ST6GAL2: variants seen among roughly 807,000 people sequenced by gnomAD.
ST6GAL2 encodes ST6 beta-galactoside alpha-2,6-sialyltransferase 2.
A neutral mutation model predicts 37.5 loss-of-function variants in ST6GAL2; 24 were observed. The observed-to-expected ratio is 0.64, with a 90% CI of 0.46 to 0.90. The LOEUF is 0.90. Among genes scored for constraint, ST6GAL2 ranks in the 40% least tolerant of loss-of-function variants. ST6GAL2 has a pLI of 0.00. For synonymous variants in ST6GAL2, 306 were observed against 295.1 expected (o/e 1.04, Z -0.38); for missense variants, 715 against 712.7 (o/e 1.00, Z -0.04).
chr2:106,832,438 G>A, intron 4 of ST6GAL2, 127 bp downstream of exon 4: 1 of 577,542 alleles, frequency 1.7e-6, no homozygotes, highest in South Asian at 2.5e-5. Context: ...TCACAAACAT[G>A]CATTAAATTG....
At chr2:106,815,569 CT>C (rs1405162427) in intron 5 of ST6GAL2, among the ~76,000 whole-genome samples, 1 of 152,036 alleles carries the variant, frequency 6.6e-6, no homozygotes, top group Admixed American at 6.5e-5. Flanking sequence ...GGGAAAGAGT[CT>C]TATTTGACCT....
intron 5 of ST6GAL2, among the ~76,000 whole-genome samples, chr2:106,807,266 T>C (rs920626370): frequency 6.6e-6 from 1 of 152,168 alleles, no homozygotes; most frequent in Non-Finnish European, 1.5e-5. Context: ...AAGGACAGAT[T>C]TGCAACCCCC....
intron 1 of ST6GAL2, among the ~76,000 whole-genome samples, chr2:106,876,622 A>C (rs1678513073): frequency 1.3e-5 from 2 of 152,216 alleles, no homozygotes; most frequent in Admixed American, 1.3e-4. Context: ...AGAAGAGGGC[A>C]TCAGGAGGCT....
At position 106,849,489 on chromosome 2, in the gene ST6GAL2, C is replaced by A. The variant is rs1258755995; in HGVS notation, c.-57-5455G>T. Among the ~76,000 whole-genome samples the A allele has an allele frequency of 3.9e-5, 6 of 152,266 alleles. No individual in the cohort carries two copies. In the South Asian group the frequency reaches 8.3e-4, roughly 21 times the overall value. On this transcript the variant is annotated intron_variant, in intron 1 of 5. Coordinates refer to ENST00000409382, the MANE Select transcript of ST6GAL2 (RefSeq NM_001142351.2). ...ACAGTTAGAAGACCCTGAAGGAAATCAAAATATTTTACCCCAAAATATATT... is the reference window on the plus strand; with the variant it reads ...ACAGTTAGAAGACCCTGAAGGAAATAAAAATATTTTACCCCAAAATATATT...
intron 5 of ST6GAL2, among the ~76,000 whole-genome samples, chr2:106,815,755 C>G (rs1368095828): frequency 1.3e-5 from 2 of 152,190 alleles, no homozygotes; most frequent in Non-Finnish European, 2.9e-5. Flanking sequence ...TATAGCTACT[C>G]AGTGGTAGGG....
At chr2:106,811,381 G>A (rs1051567053) in intron 5 of ST6GAL2, among the ~76,000 whole-genome samples, 8 of 152,120 alleles carry the variant, frequency 5.3e-5, no homozygotes, top group Non-Finnish European at 1.2e-4. Flanking sequence ...TAGGTGGGGA[G>A]TAGATACTGC....
chr2:106,883,653 T>C (rs992152307), intron 1 of ST6GAL2, among the ~76,000 whole-genome samples: 15 of 152,232 alleles, frequency 9.9e-5, no homozygotes, highest in African/African-American at 3.4e-4. Flanking sequence ...ATGAGGGTAC[T>C]ATCTGATTCC....
At chr2:106,849,002 T>C (rs1376432432) in intron 1 of ST6GAL2, among the ~76,000 whole-genome samples, 2 of 152,206 alleles carry the variant, frequency 1.3e-5, no homozygotes, top group Non-Finnish European at 2.9e-5. Context: ...TGGTCTTGTA[T>C]GGAAAATGCT....
rs1337316407 is a variant in ST6GAL2, at chr2:106,806,741, C to A, written c.1527G>T (p.Val509=). The A allele has an allele frequency of 6.2e-7, 1 of 1,614,174 alleles. No homozygotes were observed. Among genetic ancestry groups the A allele is most frequent in the Non-Finnish European group, 8.5e-7 (1 of 1,180,030 alleles). ...GCACCGCCTGGAAGCCGGGAAGAACCACCTTGCCCTTGCGATGCAAATCCC... is the reference window on the plus strand; with the variant it reads ...GCACCGCCTGGAAGCCGGGAAGAACAACCTTGCCCTTGCGATGCAAATCCC... The part of the protein sequence containing the change: ...TQGDLHRKGK[V]VLPGFQAVHC... Residue 509 remains valine (V), a synonymous_variant, in exon 6 of 6, where the codon GTG becomes GTT. Coordinates refer to ENST00000409382, the MANE Select transcript of ST6GAL2 (RefSeq NM_001142351.2).
intron 1 of ST6GAL2, among the ~76,000 whole-genome samples, chr2:106,866,943 T>C (rs1678051925): frequency 6.6e-6 from 1 of 152,222 alleles, no homozygotes; most frequent in African/African-American, 2.4e-5. Flanking sequence ...AATTTGCATT[T>C]AAAACTGGCA....
chr2:106,806,900 A>G lies in ST6GAL2; in HGVS notation c.1368T>C (p.Tyr456=). The change falls in exon 6 of 6, where the codon TAT becomes TAC. Residue 456 remains tyrosine (Y), a synonymous_variant. Coordinates refer to ENST00000409382, the MANE Select transcript of ST6GAL2 (RefSeq NM_001142351.2). ...SMCREVHVYE[Y]IPSVRQTELC... is the part of the protein sequence containing the mutation. ...GCTCCGTCTGCCGCACGGATGGGATATATTCATACACGTGCACCTCTCTGC... is the reference window on the plus strand; with the variant it reads ...GCTCCGTCTGCCGCACGGATGGGATGTATTCATACACGTGCACCTCTCTGC... 1 of 1,614,164 alleles carries G rather than the reference A, an allele frequency of 6.2e-7. No homozygotes were observed. The highest frequency in any genetic ancestry group is 8.5e-7 in the Non-Finnish European group (1 of 1,180,028).
intron 3 of ST6GAL2, 45 bp downstream of exon 3, chr2:106,834,004 A>T: frequency 7.0e-7 from 1 of 1,428,168 alleles, no homozygotes; most frequent in Non-Finnish European, 9.9e-7. Flanking sequence ...TCATCCAGTT[A>T]AACCTAAGAA....
chr2:106,849,143 A>G (rs1213420876), intron 1 of ST6GAL2, among the ~76,000 whole-genome samples: 1 of 152,152 alleles, frequency 6.6e-6, no homozygotes, highest in Non-Finnish European at 1.5e-5. Context: ...TTTGCGCTCA[A>G]ATAAACTCTG....
At chr2:106,813,424 CTTAT>C (rs1675685031) in intron 5 of ST6GAL2, among the ~76,000 whole-genome samples, 1 of 152,044 alleles carries the variant, frequency 6.6e-6, no homozygotes, top group Admixed American at 6.5e-5. Flanking sequence ...AGAATGGGCA[CTTAT>C]TTATTTGCTC....
At chr2:106,823,628 T>C (rs1195043189) in intron 5 of ST6GAL2, among the ~76,000 whole-genome samples, 1 of 152,046 alleles carries the variant, frequency 6.6e-6, no homozygotes, top group Non-Finnish European at 1.5e-5. Context: ...AAAAAGTATG[T>C]TATGCTTTTT....
chr2:106,810,941 G>C (rs574454373), intron 5 of ST6GAL2, among the ~76,000 whole-genome samples: 1 of 137,620 alleles, frequency 7.3e-6, no homozygotes, highest in Admixed American at 7.2e-5. Context: ...GAGCGACAGA[G>C]TGGCATCCTG....
At chr2:106,874,686 G>A (rs540909255) in intron 1 of ST6GAL2, among the ~76,000 whole-genome samples, 33 of 152,254 alleles carry the variant, frequency 2.2e-4, no homozygotes, top group Non-Finnish European at 7.4e-5. Context: ...TTCTTAAAGA[G>A]TATGATAAAC....
In ST6GAL2 at chr2:106,806,742, A is replaced by G. The variant is rs1239396065; in HGVS notation, c.1526T>C (p.Val509Ala). The G allele has an allele frequency of 6.2e-7, 1 of 1,614,004 alleles. No individual in the cohort carries two copies. Among genetic ancestry groups the G allele is most frequent in the Non-Finnish European group, 8.5e-7 (1 of 1,180,038 alleles). Residue 509 changes from valine (V) to alanine (A), a missense_variant, in exon 6 of 6, where the codon GTG (valine) becomes GCG (alanine). Coordinates refer to ENST00000409382, the MANE Select transcript of ST6GAL2 (RefSeq NM_001142351.2). ...TQGDLHRKGK[V>A]VLPGFQAVHC... ...CACCGCCTGGAAGCCGGGAAGAACC[A>G]CCTTGCCCTTGCGATGCAAATCCCC...
intron 2 of ST6GAL2, among the ~76,000 whole-genome samples, chr2:106,837,382 T>C (rs563384132): frequency 1.3e-5 from 2 of 152,322 alleles, no homozygotes; most frequent in African/African-American, 4.8e-5. Context: ...TCATGCATCA[T>C]TCATTGTGTT....
Sources: allele counts gnomAD v4.1 joint callset (sites outside exome capture counted in the v4.1 genomes callset), GRCh38; gene constraint gnomAD v4.1.1; transcripts MANE v1.5; gene names NCBI Gene and HGNC (gene_info 2026-07-23, HGNC 2026-07-21).